The following SOX5 variants were observed in gnomAD, a reference collection of about 807,000 sequenced individuals.
SOX5 encodes the protein transcription factor SOX-5.
SOX5 carries 9 observed loss-of-function variants against 92.0 expected under a neutral mutation model. The ratio of observed to expected loss-of-function variants is 0.10; its 90% confidence interval spans 0.06 to 0.17. SOX5 has a LOEUF of 0.17. Among genes scored for constraint, SOX5 ranks in the 10% least tolerant of loss-of-function variants. SOX5 has a pLI of 1.00. For synonymous variants in SOX5, 344 were observed against 336.3 expected, an observed-to-expected ratio of 1.02 and a Z score of -0.25; for missense variants, 642 against 944.5, an observed-to-expected ratio of 0.68 and a Z score of 4.20.
intron 4 of SOX5, among the ~76,000 whole-genome samples, chr12:24,051,117 G>A (rs1198967379): frequency 6.6e-6 from 1 of 152,112 alleles, no homozygotes; most frequent in Non-Finnish European, 1.5e-5. Flanking sequence ...GCCTGAAGAG[G>A]CCAATGAGCA....
chr12:23,530,689 G>A lies in SOX5; in HGVS notation c.*3530C>T, dbSNP rs1166587164. The A allele has an allele frequency of 2.0e-5, 3 of 151,804 alleles. No individual in the cohort carries two copies. The highest frequency in any genetic ancestry group is 2.9e-5 in the Non-Finnish European group (2 of 67,962). 9.4% of individuals were successfully genotyped at this position (151,804 alleles called of 1,614,324 possible). On this transcript the variant is annotated 3_prime_UTR_variant, in exon 15 of 15. Coordinates refer to ENST00000451604, the MANE Select transcript of SOX5 (RefSeq NM_006940.6). ...ATAAATGAGTAACTTTATTTTCTCC[G>A]GTAATGTTCTCTTAGATTCATATGA...
chr12:24,355,282 C>CAATTTTTTTTT (rs1221012836), intron 2 of SOX5, among the ~76,000 whole-genome samples: 26 of 71,934 alleles, frequency 3.6e-4, no homozygotes, highest in Non-Finnish European at 4.8e-4. Flanking sequence ...AGGGGTGCAT[C>CAATTTTTTTTT]TTTTTTTTTT....
At chr12:24,302,975 C>A (rs1948154369) in intron 2 of SOX5, among the ~76,000 whole-genome samples, 1 of 151,832 alleles carries the variant, frequency 6.6e-6, no homozygotes, top group African/African-American at 2.4e-5. Context: ...AAATAATGCA[C>A]ACTCAAAAAA....
At chr12:24,205,430 G>A (rs1594245116) in intron 4 of SOX5, among the ~76,000 whole-genome samples, 3 of 152,026 alleles carry the variant, frequency 2.0e-5, no homozygotes, top group Admixed American at 6.5e-5. Context: ...TACAAGGCTC[G>A]TGTTATTCTT....
intron 1 of SOX5, among the ~76,000 whole-genome samples, chr12:24,423,353 T>A (rs996250153): frequency 4.6e-5 from 7 of 152,252 alleles, no homozygotes; most frequent in African/African-American, 1.7e-4. Flanking sequence ...AAGTACTTAG[T>A]AAATGAAATT....
chr12:24,139,126 T>A (rs1316915918), intron 4 of SOX5, among the ~76,000 whole-genome samples: 1 of 152,210 alleles, frequency 6.6e-6, no homozygotes, highest in Non-Finnish European at 1.5e-5. Context: ...CATAAAGATG[T>A]GTAAAAATTA....
intron 6 of SOX5, among the ~76,000 whole-genome samples, chr12:23,733,919 G>A (rs17473967): frequency 0.069 from 10,463 of 152,094 alleles, 404 homozygotes; most frequent in South Asian, 0.087. Context: ...TGAGTATTGA[G>A]CCCTGACACT....
intron 3 of SOX5, among the ~76,000 whole-genome samples, chr12:24,252,472 G>C (rs1434125738): frequency 6.6e-6 from 1 of 151,336 alleles, no homozygotes; most frequent in African/African-American, 2.4e-5. Context: ...AATTAAAATG[G>C]AAAAATTTCT....
At chr12:23,984,012 C>G (rs1949837156) in intron 4 of SOX5, among the ~76,000 whole-genome samples, 1 of 152,142 alleles carries the variant, frequency 6.6e-6, no homozygotes, top group African/African-American at 2.4e-5. Context: ...TATTTTCCAG[C>G]TCTGAGACTA....
chr12:24,060,937 C>T (rs992963724), intron 4 of SOX5, among the ~76,000 whole-genome samples: 6 of 152,138 alleles, frequency 3.9e-5, no homozygotes, highest in East Asian at 1.9e-4. Context: ...CCTGAAATTG[C>T]CATTTATTTG....
At chr12:24,097,778 G>A (rs1945605627) in intron 4 of SOX5, among the ~76,000 whole-genome samples, 1 of 152,064 alleles carries the variant, frequency 6.6e-6, no homozygotes, top group African/African-American at 2.4e-5. Context: ...AGCTCTTCAA[G>A]CAAGGTGTCA....
chr12:23,726,174 AGG>A (rs1157873807), intron 6 of SOX5, among the ~76,000 whole-genome samples: 2 of 101,846 alleles, frequency 2.0e-5, no homozygotes, highest in African/African-American at 3.8e-5. Flanking sequence ...AGAGAGAGAG[AGG>A]TCAGTTTCTC....
chr12:23,843,554 CTTTTT>C (rs71059931), intron 3 of SOX5, among the ~76,000 whole-genome samples: 19 of 71,326 alleles, frequency 2.7e-4, no homozygotes, highest in East Asian at 6.2e-4. Flanking sequence ...GTCATTTCTC[CTTTTT>C]TTTTTTTTTT....
chr12:23,733,299 T>A (rs1485862692), intron 6 of SOX5, among the ~76,000 whole-genome samples: 1 of 152,164 alleles, frequency 6.6e-6, no homozygotes, highest in African/African-American at 2.4e-5. Flanking sequence ...CATAACAATA[T>A]TAATACCTAT....
chr12:24,474,294 T>C (rs936664475), intron 1 of SOX5, among the ~76,000 whole-genome samples: 1 of 152,186 alleles, frequency 6.6e-6, no homozygotes, highest in African/African-American at 2.4e-5. Context: ...CCTTCTAGAA[T>C]GACTTATCTA....
At chr12:24,430,727 C>A (rs1003268789) in intron 1 of SOX5, among the ~76,000 whole-genome samples, 9 of 152,050 alleles carry the variant, frequency 5.9e-5, no homozygotes, top group African/African-American at 2.2e-4. Context: ...TATTGCATAT[C>A]ACTTATTTTC....
intron 6 of SOX5, among the ~76,000 whole-genome samples, chr12:23,699,335 T>C (rs1451088869): frequency 6.6e-6 from 1 of 152,188 alleles, no homozygotes; most frequent in Non-Finnish European, 1.5e-5. Context: ...TTGTCTCATA[T>C]ATTTTCTCTG....
intron 1 of SOX5, among the ~76,000 whole-genome samples, chr12:23,934,420 T>C (rs2139313952): frequency 6.7e-6 from 1 of 149,666 alleles, no homozygotes; most frequent in South Asian, 2.1e-4. Flanking sequence ...ACATATGATG[T>C]GTATATATGT....
At chr12:24,349,325 A>T (rs1027940793) in intron 2 of SOX5, among the ~76,000 whole-genome samples, 1 of 152,194 alleles carries the variant, frequency 6.6e-6, no homozygotes, top group African/African-American at 2.4e-5. Context: ...TTTTAAGTGG[A>T]CTGTTTAGTC....
Sources: allele counts gnomAD v4.1 joint callset (sites outside exome capture counted in the v4.1 genomes callset), GRCh38; gene constraint gnomAD v4.1.1; transcripts MANE v1.5; gene names NCBI Gene and HGNC (gene_info 2026-07-23, HGNC 2026-07-21).